Variants in DOCK9 observed in about 807,000 individuals in gnomAD.
DOCK9 encodes the protein dedicator of cytokinesis 9.
A neutral mutation model predicts 263.3 loss-of-function variants in DOCK9; 89 were observed. The ratio of observed to expected loss-of-function variants is 0.34; its 90% CI spans 0.28 to 0.40. The LOEUF is 0.40. Ranked by LOEUF, DOCK9 falls within the 10% of genes least tolerant of loss-of-function variation. DOCK9 has a pLI of 1.00. For missense variants in DOCK9, 2,140 were observed against 2,603.4 expected, an observed-to-expected ratio of 0.82 and a Z score of 3.87; for synonymous variants, 976 against 973.1, an observed-to-expected ratio of 1.00 and a Z score of -0.06.
intron 35 of DOCK9, 22 bp from the exon 36 acceptor site, chr13:98,850,135 A>G: frequency 7.1e-7 from 1 of 1,416,066 alleles, no homozygotes; most frequent in African/African-American, 1.4e-5. Flanking sequence ...ACATTTACTT[A>G]GAATCACAAT....
rs145181120 is a variant in DOCK9, at chr13:99,080,363, G to A, written c.129+5860C>T. On this transcript the variant is annotated intron_variant, in intron 1 of 32. Transcript: ENST00000427887. ...AAACAGTCACATTATTTACTCTCAG[G>A]ATTACACTTAGGGAAGGTCTCTCTA... Among the ~76,000 whole-genome samples the A allele has an allele frequency of 4.2e-3, 645 of 152,250 alleles. 3 individuals are homozygous for A. Among genetic ancestry groups the A allele is most frequent in the African/African-American group, 0.015 (605 of 41,548 alleles).
chr13:98,946,937 T>G (rs1440735489), intron 2 of DOCK9, among the ~76,000 whole-genome samples: 1 of 152,224 alleles, frequency 6.6e-6, no homozygotes, highest in Non-Finnish European at 1.5e-5. Context: ...CTGCTTCCCC[T>G]GCTTTTTCCT....
At position 98,869,333 on chromosome 13, in the gene DOCK9, A is replaced by G. The variant is rs184908963; in HGVS notation, c.2944-956T>C. ...TTCATTCAATTCTTGTAATACCCCT[A>G]TAAGTTTAATCCTCATTTGTTAAAG... On this transcript the variant is annotated intron_variant, in intron 27 of 52. Transcript: ENST00000682017. Among the ~76,000 whole-genome samples, 7 of 152,334 alleles carry G rather than the reference A, an allele frequency of 4.6e-5. No individual in the cohort carries two copies. The East Asian group carries it at 9.6e-4, about 21-fold the overall frequency.
At chr13:98,878,987 G>A (rs1380784075) in intron 27 of DOCK9, among the ~76,000 whole-genome samples, 2 of 152,070 alleles carry the variant, frequency 1.3e-5, no homozygotes, top group Admixed American at 6.5e-5. Flanking sequence ...CCCGCTCCCT[G>A]CACAAGCTCC....
At position 98,809,456 on chromosome 13, in the gene DOCK9, G is replaced by T. The variant is rs1209183849; in HGVS notation, c.5263C>A (p.His1755Asn). ...GCCCGGTGCAGCGTGTCATACAGAT[G>T]GGCCAGCCTCTGGAAAGCAGAACAA... ...EKRRDFERLA[H>N]LYDTLHRAYS... The change falls in exon 47 of 53, where the codon CAT becomes AAT. Residue 1755 changes from histidine to asparagine, a missense_variant. Physicochemically the swap from His to Asn is moderately conservative, Grantham distance 68. Transcript: ENST00000682017. 6.3e-6 allele frequency: 10 copies of T among 1,598,536 alleles called. No homozygotes were observed. The highest frequency in any genetic ancestry group is 7.7e-6 in the Non-Finnish European group (9 of 1,174,862).
At chr13:98,817,022 C>T (rs901711449) in intron 45 of DOCK9, among the ~76,000 whole-genome samples, 7 of 152,096 alleles carry the variant, frequency 4.6e-5, no homozygotes, top group African/African-American at 1.4e-4. Flanking sequence ...ACATCAACCA[C>T]CATAACAGAC....
In DOCK9 at chr13:99,050,267, A is replaced by T. The variant is rs1308280926; in HGVS notation, c.129+35956T>A. ...GTACCTAGAGTTCATTCCATATTTC[A>T]GGCCTGTAGGAGAAAAAAAAAGCAA... On this transcript the variant is annotated intron_variant, in intron 1 of 32. Transcript: ENST00000427887. Among the ~76,000 whole-genome samples, 4 of 152,220 alleles carry T rather than the reference A, an allele frequency of 2.6e-5. No individual in the cohort carries two copies. The East Asian group carries it at 7.7e-4, about 29-fold the overall frequency.
At chr13:99,055,991 G>A (rs2040902232) in intron 1 of DOCK9, among the ~76,000 whole-genome samples, 1 of 152,162 alleles carries the variant, frequency 6.6e-6, no homozygotes, top group African/African-American at 2.4e-5. Context: ...CAGGGACGTG[G>A]AATGGTAACA....
At chr13:98,987,423 C>T (rs981349236) in intron 1 of DOCK9, among the ~76,000 whole-genome samples, 2 of 152,144 alleles carry the variant, frequency 1.3e-5, no homozygotes, top group African/African-American at 2.4e-5. Flanking sequence ...AAAACTTGAA[C>T]ATTGGTGGAT....
At chr13:98,910,965 T>A (rs1219146754) in intron 9 of DOCK9, among the ~76,000 whole-genome samples, 7 of 152,038 alleles carry the variant, frequency 4.6e-5, no homozygotes, top group African/African-American at 1.7e-4. Context: ...CTTTGCCTTC[T>A]CAACCGGTGC....
In DOCK9 at chr13:98,794,405, A is replaced by G. The variant is rs1265695819; in HGVS notation, c.*221T>C. On this transcript the variant is annotated 3_prime_UTR_variant, in exon 53 of 53. Coordinates refer to ENST00000682017, the MANE Select transcript of DOCK9 (RefSeq NM_001366683.2). ...TCTACCACACCTTTGTTAAGACACA[A>G]TGAAAACTTTGAATATTGCCAGTGA... is the stretch of plus-strand genomic sequence containing the variant. 2 of 567,404 alleles carry G rather than the reference A, an allele frequency of 3.5e-6. No individual in the cohort carries two copies. The highest frequency in any genetic ancestry group is 3.1e-6 in the Non-Finnish European group (1 of 325,722). 35.1% of individuals were successfully genotyped at this position (567,404 alleles called of 1,614,324 possible).
At chr13:98,936,092 C>T (rs1270439084) in intron 2 of DOCK9, among the ~76,000 whole-genome samples, 1 of 152,154 alleles carries the variant, frequency 6.6e-6, no homozygotes, top group South Asian at 2.1e-4. Context: ...TTGCCTGCAA[C>T]AAGTCAGTTC....
Position 99,052,586 on chromosome 13 carries a change from CT to C in DOCK9, c.129+33636del, listed in dbSNP as rs770706420. 7.1e-4 allele frequency among the ~76,000 whole-genome samples: 108 copies of C among 151,780 alleles called. 1 individual carries two copies. The East Asian group carries it at 0.019, about 27-fold the overall frequency. ...CTTCTTTTGAAAAATGGCTATTGCCCTTTTTTTTGGGGAGGTTTGTGGGGGT... is the reference window on the plus strand; with the variant it reads ...CTTCTTTTGAAAAATGGCTATTGCCCTTTTTTTGGGGAGGTTTGTGGGGGT... On this transcript the variant is annotated intron_variant, in intron 1 of 32. Transcript: ENST00000427887.
In DOCK9 at chr13:98,937,502, C is replaced by T. The variant is rs145311341; in HGVS notation, c.244-7245G>A. On this transcript the variant is annotated intron_variant, in intron 2 of 52. Coordinates refer to ENST00000682017, the MANE Select transcript of DOCK9 (RefSeq NM_001366683.2). ...AAATTATTTTCAGTCAATATTATTA[C>T]TTAGGTTAAACACGTAGCCTTTGAC... Among the ~76,000 whole-genome samples the T allele has an allele frequency of 9.2e-3, 1,406 of 152,254 alleles. 7 individuals carry two copies. Among genetic ancestry groups the T allele is most frequent in the South Asian group, 0.022 (105 of 4,822 alleles).
chr13:98,983,453 C>A (rs1418643355), intron 1 of DOCK9, among the ~76,000 whole-genome samples: 1 of 151,846 alleles, frequency 6.6e-6, no homozygotes, highest in Non-Finnish European at 1.5e-5. Context: ...AAAGAGCCAG[C>A]GAGGGAGGAG....
intron 1 of DOCK9, among the ~76,000 whole-genome samples, chr13:99,027,376 T>C (rs1282235503): frequency 2.0e-5 from 3 of 152,302 alleles, no homozygotes; most frequent in East Asian, 3.9e-4. Context: ...CCATTCATAA[T>C]GGCCATCTTT....
intron 1 of DOCK9, among the ~76,000 whole-genome samples, chr13:99,086,037 C>T (rs1431363445): frequency 6.6e-6 from 1 of 152,106 alleles, no homozygotes; most frequent in African/African-American, 2.4e-5. Context: ...GGAGTTGCAG[C>T]CCCTCCAGGA....
At position 98,923,392 on chromosome 13, in the gene DOCK9, ATTTGTTTTAGAAATGCC is replaced by A. The variant is rs776088627; in HGVS notation, c.417-38_417-22del. On this transcript the variant is annotated intron_variant, in intron 4 of 52. Transcript: ENST00000682017. ...CTTTGCTATAAAAACAACAAAGAAA[ATTTGTTTTAGAAATGCC>A]TAGTCAAGGAAGAGGCTTTGCATTT... 3.7e-6 allele frequency: 6 copies of A among 1,607,886 alleles called. No individual in the cohort carries two copies. The South Asian group carries it at 6.6e-5, about 18-fold the overall frequency.
At chr13:99,031,893 C>T (rs368853521) in intron 1 of DOCK9, among the ~76,000 whole-genome samples, 73 of 152,326 alleles carry the variant, frequency 4.8e-4, no homozygotes, top group African/African-American at 1.7e-3. Context: ...CAAAACACAC[C>T]TCTAAAGAGA....
Sources: allele counts gnomAD v4.1 joint callset (sites outside exome capture counted in the v4.1 genomes callset), GRCh38; gene constraint gnomAD v4.1.1; transcripts MANE v1.5; gene names NCBI Gene and HGNC (gene_info 2026-07-23, HGNC 2026-07-21).